The following DISC1 variants were observed in gnomAD, a reference collection of about 807,000 sequenced individuals.
DISC1 encodes disrupted in schizophrenia 1 protein.
DISC1 carries 57 observed loss-of-function variants against 84.5 expected under a neutral mutation model. That is an observed-to-expected ratio of 0.67 (90% CI 0.55 to 0.84). The LOEUF (loss-of-function observed/expected upper bound fraction) is 0.84. DISC1 is among the 40% of genes least tolerant of loss of function. The pLI, the probability that DISC1 is intolerant of heterozygous loss-of-function variation, is 0.00. For synonymous variants in DISC1, 411 were observed against 415.2 expected, an observed-to-expected ratio of 0.99 and a Z score of 0.12; for missense variants, 1,000 against 1,057.8, an observed-to-expected ratio of 0.95 and a Z score of 0.76.
At chr1:232,002,633 AC>A (rs1666851422) in intron 10 of DISC1, among the ~76,000 whole-genome samples, 1 of 128,362 alleles carries the variant, frequency 7.8e-6, no homozygotes, top group African/African-American at 3.0e-5. Flanking sequence ...ACACACACAC[AC>A]ACACAAAAGC....
chr1:231,968,591 CAAA>C (rs34437165), intron 10 of DISC1, among the ~76,000 whole-genome samples: 10 of 89,028 alleles, frequency 1.1e-4, no homozygotes, highest in Non-Finnish European at 1.7e-4. Context: ...GACTCCGTCT[CAAA>C]AAAAAAAAAA....
intron 1 of DISC1, among the ~76,000 whole-genome samples, chr1:231,638,675 G>T (rs950747491): frequency 6.6e-6 from 1 of 151,922 alleles, no homozygotes; most frequent in Admixed American, 6.6e-5. Flanking sequence ...TTATTTCTGG[G>T]TTTTTTATTC....
chr1:231,817,282 G>T (rs1037359022), intron 8 of DISC1, among the ~76,000 whole-genome samples: 3 of 151,998 alleles, frequency 2.0e-5, no homozygotes, highest in Non-Finnish European at 4.4e-5. Context: ...ATAGGGTTTC[G>T]CCATGTTGGC....
chr1:232,032,448 G>A (rs1458137050), intron 12 of DISC1, among the ~76,000 whole-genome samples: 1 of 152,076 alleles, frequency 6.6e-6, no homozygotes, highest in South Asian at 2.1e-4. Context: ...TTTGCTAATT[G>A]CAAACACAGA....
At chr1:231,659,474 T>C (rs1275836629) in intron 1 of DISC1, among the ~76,000 whole-genome samples, 1 of 152,198 alleles carries the variant, frequency 6.6e-6, no homozygotes, top group Non-Finnish European at 1.5e-5. Context: ...TGTCTCTGTC[T>C]TCTTCACTTA....
chr1:231,990,833 C>T (rs1286966812), intron 10 of DISC1, among the ~76,000 whole-genome samples: 2 of 152,218 alleles, frequency 1.3e-5, no homozygotes, highest in Non-Finnish European at 2.9e-5. Context: ...TCTCCTGCTC[C>T]TAACTTTGTC....
At chr1:231,750,209 G>A (rs756333685) in intron 4 of DISC1, 133 bp downstream of exon 4, 12 of 1,453,796 alleles carry the variant, frequency 8.3e-6, no homozygotes, top group Non-Finnish European at 1.1e-5. Context: ...CCCTTTGTTG[G>A]TTGGGAAGGT....
At chr1:231,668,050 T>C (rs1210682611) in intron 1 of DISC1, among the ~76,000 whole-genome samples, 3 of 147,882 alleles carry the variant, frequency 2.0e-5, no homozygotes, top group South Asian at 4.2e-4. Context: ...AGCAAGACTC[T>C]GTCAAAAAAA....
Position 231,735,694 on chromosome 1 carries a change from G to A in DISC1, c.1118-14232G>A, listed in dbSNP as rs549357352. ...GTAACCACTCTCTCGTGGGATCATT[G>A]TGAGGATAAAATGATTGATATGTAG... On this transcript the variant is annotated intron_variant, in intron 3 of 12. Transcript: ENST00000439617. Among the ~76,000 whole-genome samples the A allele has an allele frequency of 2.6e-5, 4 of 152,334 alleles. No individual in the cohort carries two copies. The East Asian group carries it at 7.7e-4, about 29-fold the overall frequency.
At chr1:231,940,322 C>T (rs971161621) in intron 9 of DISC1, among the ~76,000 whole-genome samples, 1 of 152,312 alleles carries the variant, frequency 6.6e-6, no homozygotes, top group East Asian at 1.9e-4. Context: ...CAGCACATAC[C>T]TGCCGAGTGA....
At chr1:231,966,871 C>T (rs936260277) in intron 10 of DISC1, among the ~76,000 whole-genome samples, 2 of 152,128 alleles carry the variant, frequency 1.3e-5, no homozygotes, top group Non-Finnish European at 2.9e-5. Flanking sequence ...TTCCAGTGTG[C>T]ATCACACTTT....
At chr1:231,690,548 T>G (rs1399093711) in intron 1 of DISC1, among the ~76,000 whole-genome samples, 2 of 152,218 alleles carry the variant, frequency 1.3e-5, no homozygotes, top group Non-Finnish European at 2.9e-5. Flanking sequence ...AGTATTTGTC[T>G]TCAAGGTCTG....
chr1:231,955,687 A>C (rs951383763), intron 9 of DISC1, among the ~76,000 whole-genome samples: 3 of 151,806 alleles, frequency 2.0e-5, no homozygotes, highest in African/African-American at 7.3e-5. Context: ...ACGGGGTTTC[A>C]CCATGTTGGC....
rs2065409222 is a variant in DISC1, at chr1:231,694,538, A to G, written c.780A>G (p.Arg260=). The change falls in exon 2 of 13, where the codon CGA becomes CGG. Residue 260 remains arginine (R), a synonymous_variant. Transcript: ENST00000439617. ...TGGACGGGCCTCACGAGGACCCGCG[A>G]TGTCTCTCTCGGCCCTTCAGTCTCT... ...ASLDGPHEDP[R]CLSRPFSLLA... 6.2e-7 allele frequency: 1 copy of G among 1,614,090 alleles called. No homozygotes were observed.
chr1:231,903,585 C>T (rs1435178707), intron 9 of DISC1, among the ~76,000 whole-genome samples: 2 of 152,190 alleles, frequency 1.3e-5, no homozygotes, highest in East Asian at 3.8e-4. Context: ...GAAGGCCTTT[C>T]TGAGAAGGTG....
chr1:231,923,307 C>CAA (rs1461560372), intron 9 of DISC1, among the ~76,000 whole-genome samples: 1 of 138,534 alleles, frequency 7.2e-6, no homozygotes, highest in Non-Finnish European at 1.6e-5. Context: ...CAAAAAAAAC[C>CAA]AAAAAAAAAA....
intron 9 of DISC1, among the ~76,000 whole-genome samples, chr1:231,951,518 T>A (rs1658363121): frequency 6.6e-6 from 1 of 152,242 alleles, no homozygotes; most frequent in African/African-American, 2.4e-5. Context: ...GAAAATCCTT[T>A]AAGATCTCTA....
intron 1 of DISC1, among the ~76,000 whole-genome samples, chr1:231,651,049 C>T (rs2060580803): frequency 1.3e-5 from 2 of 152,186 alleles, no homozygotes; most frequent in South Asian, 2.1e-4. Context: ...TACTGACCTT[C>T]TGAAGTCTAC....
intron 10 of DISC1, among the ~76,000 whole-genome samples, chr1:232,002,595 GCACACACA>G (rs55740228): frequency 0.049 from 6,999 of 143,662 alleles, 263 homozygotes; most frequent in East Asian, 0.2. Flanking sequence ...ATTATGCTGA[GCACACACA>G]CACACACACA....
Sources: gnomAD v4.1 joint callset for allele counts (sites outside exome capture counted in the v4.1 genomes callset) on GRCh38, gnomAD v4.1.1 for gene constraint, MANE v1.5 for transcripts, NCBI Gene and HGNC (gene_info 2026-07-23, HGNC 2026-07-21) for gene names.